ABL2: variants seen among roughly 807,000 people sequenced by gnomAD.
The protein encoded by ABL2 is ABL proto-oncogene 2, non-receptor tyrosine kinase.
Under a neutral mutation model 107.7 loss-of-function variants are expected in ABL2, and 49 were observed. The ratio of observed to expected loss-of-function variants is 0.45; its 90% CI spans 0.36 to 0.58. The LOEUF is 0.58. ABL2 is among the 20% of genes least tolerant of loss of function. The pLI is 0.00. For missense variants in ABL2, 1,245 were observed against 1,457.0 expected (o/e 0.85, Z 2.37); for synonymous variants, 549 against 548.6 (o/e 1.00, Z -0.01).
At chr1:179,122,203 C>T (rs1041411988) in intron 4 of ABL2, among the ~76,000 whole-genome samples, 4 of 150,742 alleles carry the variant, frequency 2.7e-5, no homozygotes, top group South Asian at 2.1e-4. Flanking sequence ...CATGAGCCAC[C>T]GCTCCCGGCC....
At chr1:179,228,284 T>G (rs1364503969) in intron 1 of ABL2, among the ~76,000 whole-genome samples, 1 of 151,820 alleles carries the variant, frequency 6.6e-6, no homozygotes, top group Non-Finnish European at 1.5e-5. Context: ...GAGGCAGAGA[T>G]TGCAGTGAGC....
At chr1:179,147,062 T>TAA (rs879571231) in intron 1 of ABL2, among the ~76,000 whole-genome samples, 2 of 140,730 alleles carry the variant, frequency 1.4e-5, no homozygotes, top group African/African-American at 5.2e-5. Context: ...ACCCTGTCTT[T>TAA]AAAAAAAAAA....
Position 179,105,520 on chromosome 1 carries a change from G to C in ABL2, c.*2198C>G. The C allele has an allele frequency of 4.4e-6, 1 of 229,744 alleles. No individual in the cohort carries two copies. Among genetic ancestry groups the C allele is most frequent in the African/African-American group, 2.2e-5 (1 of 45,226 alleles). The allele number at this position is 229,744 out of a possible 1,614,324, so 14.2% of individuals were successfully genotyped here. A position where few individuals can be genotyped will look rare whatever the true frequency, so the allele number is the denominator to read the frequency against. On this transcript the variant is annotated 3_prime_UTR_variant, in exon 12 of 12. Transcript: ENST00000502732. ...GCAAGAATGGCAGGAAAGAAGGTGGGAGAAGGACCGCTGGTTTTTACATCT... is the reference window on the plus strand; with the variant it reads ...GCAAGAATGGCAGGAAAGAAGGTGGCAGAAGGACCGCTGGTTTTTACATCT...
intron 3 of ABL2, among the ~76,000 whole-genome samples, chr1:179,129,879 T>C (rs1656119730): frequency 6.6e-6 from 1 of 152,192 alleles, no homozygotes; most frequent in Admixed American, 6.5e-5. Flanking sequence ...TTCTGTCCTA[T>C]GTACAATTGG....
At chr1:179,147,758 G>A (rs1211299582) in intron 1 of ABL2, among the ~76,000 whole-genome samples, 1 of 152,132 alleles carries the variant, frequency 6.6e-6, no homozygotes, top group Non-Finnish European at 1.5e-5. Flanking sequence ...ATGCTATTCA[G>A]GTGATGGTTA....
At chr1:179,189,260 C>T (rs1478544064) in intron 1 of ABL2, among the ~76,000 whole-genome samples, 5 of 151,960 alleles carry the variant, frequency 3.3e-5, no homozygotes, top group Admixed American at 1.3e-4. Context: ...CTCAGCCTCC[C>T]GAGTAGCTGG....
At chr1:179,118,395 GC>G (rs1198534961) in intron 7 of ABL2, among the ~76,000 whole-genome samples, 191 bp downstream of exon 7, 5 of 152,088 alleles carry the variant, frequency 3.3e-5, no homozygotes, top group Non-Finnish European at 7.4e-5. Context: ...AATAGCAAAG[GC>G]CCCTTATTAA....
intron 1 of ABL2, among the ~76,000 whole-genome samples, chr1:179,170,139 G>A (rs901172140): frequency 6.6e-6 from 1 of 152,140 alleles, no homozygotes; most frequent in Non-Finnish European, 1.5e-5. Context: ...CCCATGGCAG[G>A]AGGCATCATA....
At position 179,147,441 on chromosome 1, in the gene ABL2, T is replaced by C. The variant is rs560301746; in HGVS notation, c.158-14067A>G. Among the ~76,000 whole-genome samples the C allele has an allele frequency of 1.1e-4, 17 of 152,286 alleles. No individual in the cohort carries two copies. The South Asian group carries it at 2.1e-3, about 19-fold the overall frequency. On this transcript the variant is annotated intron_variant, in intron 1 of 11. Transcript: ENST00000502732. ...ATATTTATTGTAGCACTATTCACAA[T>C]AGCAAAATCATGGAATCAACCTAAG...
At chr1:179,212,258 G>A (rs1418757024) in intron 1 of ABL2, among the ~76,000 whole-genome samples, 1 of 152,124 alleles carries the variant, frequency 6.6e-6, no homozygotes, top group African/African-American at 2.4e-5. Context: ...ACAATTCAAG[G>A]TGAGATTTGG....
At chr1:179,225,069 A>T (rs1428610442) in intron 1 of ABL2, among the ~76,000 whole-genome samples, 1 of 152,106 alleles carries the variant, frequency 6.6e-6, no homozygotes, top group Non-Finnish European at 1.5e-5. Flanking sequence ...AAAATAGCAG[A>T]TCTCAGAAAA....
chr1:179,210,652 C>A (rs1384268951), intron 1 of ABL2, among the ~76,000 whole-genome samples: 2 of 151,936 alleles, frequency 1.3e-5, no homozygotes, highest in Non-Finnish European at 2.9e-5. Context: ...GAGATCGAGA[C>A]CATCCTGGCT....
chr1:179,110,304 A>C lies in ABL2; in HGVS notation c.1803T>G (p.Asn601Lys), dbSNP rs375472589. The C allele has an allele frequency of 8.7e-6, 14 of 1,614,044 alleles. No homozygotes were observed. Among genetic ancestry groups the C allele is most frequent in the Non-Finnish European group, 1.2e-5 (14 of 1,180,036 alleles). ...NIEGAQDATE[N>K]SASSLAPGFI... is the part of the protein sequence containing the mutation. ...TACCTGGTGCTAAACTGGAAGCAGA[A>C]TTTTCTGTGGCATCTTGTGCCCCTT... Residue 601 changes from asparagine to lysine, a missense_variant, in exon 11 of 12, where the codon AAT becomes AAG. Asn to Lys is a moderately conservative substitution (Grantham distance 94). Coordinates refer to ENST00000502732, the MANE Select transcript of ABL2 (RefSeq NM_007314.4).
chr1:179,202,640 C>T (rs879401167), intron 1 of ABL2, among the ~76,000 whole-genome samples: 1 of 152,328 alleles, frequency 6.6e-6, no homozygotes, highest in East Asian at 1.9e-4. Flanking sequence ...CCTGAAATAA[C>T]TGCTGAAATG....
intron 4 of ABL2, among the ~76,000 whole-genome samples, chr1:179,124,862 T>C (rs1655591831): frequency 6.6e-6 from 1 of 152,238 alleles, no homozygotes; most frequent in Non-Finnish European, 1.5e-5. Flanking sequence ...ATATTTCAGA[T>C]ACCATAAAAT....
At position 179,229,093 on chromosome 1, in the gene ABL2, G is replaced by T. The variant is rs986950903; in HGVS notation, c.157+148C>A. 8.7e-6 allele frequency: 9 copies of T among 1,038,076 alleles called. No homozygotes were observed. In the African/African-American group the frequency reaches 1.5e-4, roughly 18 times the overall value. The allele number at this position is 1,038,076 out of a possible 1,614,324, so 64.3% of individuals were successfully genotyped here. The stretch of plus-strand genomic sequence containing the variant: ...GGGAGGGGTGTGACTCGCCTCCCAG[G>T]ACTGGACCAGATGGCAGCGGATTCC... On this transcript the variant is annotated intron_variant, in intron 1 of 11. Coordinates refer to ENST00000502732, the MANE Select transcript of ABL2 (RefSeq NM_007314.4).
rs146456453 is a variant in ABL2, at chr1:179,188,689, T to G, written c.157+40552A>C. ...TGTCTCCACGCACTATAATGTAATT[T>G]CCAAGAAGGCTGTGATTTGTTCAGT... On this transcript the variant is annotated intron_variant, in intron 1 of 11. Transcript: ENST00000502732. Among the ~76,000 whole-genome samples, 774 of 152,322 alleles carry G rather than the reference T, an allele frequency of 5.1e-3. 6 individuals are homozygous for G. The highest frequency in any genetic ancestry group is 0.017 in the African/African-American group (725 of 41,568).
intron 1 of ABL2, among the ~76,000 whole-genome samples, chr1:179,199,768 G>C (rs918998037): frequency 2.4e-5 from 3 of 124,254 alleles, no homozygotes. Context: ...TTCTCTCTCT[G>C]TCACCCAGGC....
chr1:179,129,431 C>T (rs767209690), intron 3 of ABL2, among the ~76,000 whole-genome samples: 5 of 152,284 alleles, frequency 3.3e-5, no homozygotes, highest in African/African-American at 9.6e-5. Flanking sequence ...CGCCTGTAAC[C>T]CCAGCACTTT....
Sources: allele counts gnomAD v4.1 joint callset (sites outside exome capture counted in the v4.1 genomes callset), GRCh38; gene constraint gnomAD v4.1.1; transcripts MANE v1.5; gene names NCBI Gene and HGNC (gene_info 2026-07-23, HGNC 2026-07-21).